Variants in ALK observed in about 807,000 individuals in gnomAD.
The protein encoded by ALK is ALK receptor tyrosine kinase.
Under a neutral mutation model 163.1 loss-of-function variants are expected in ALK, and 74 were observed. The ratio of observed to expected loss-of-function variants is 0.45; its 90% CI spans 0.38 to 0.55. The LOEUF is 0.55. Among genes scored for constraint, ALK ranks in the 20% least tolerant of loss-of-function variants. ALK has a pLI of 0.00. For synonymous variants in ALK, 960 were observed against 843.2 expected (o/e 1.14, Z -2.40); for missense variants, 2,063 against 2,105.3 (o/e 0.98, Z 0.39).
chr2:29,502,280 C>T (rs1672208872), intron 4 of ALK, among the ~76,000 whole-genome samples: 1 of 152,044 alleles, frequency 6.6e-6, no homozygotes, highest in African/African-American at 2.4e-5. Context: ...TTTGGTGGTC[C>T]CCAAACCCCT....
At chr2:29,427,559 GA>G (rs1304073851) in intron 4 of ALK, among the ~76,000 whole-genome samples, 1 of 150,772 alleles carries the variant, frequency 6.6e-6, no homozygotes, top group Non-Finnish European at 1.5e-5. Flanking sequence ...AGAATGTCGA[GA>G]AAAAAATCAT....
intron 4 of ALK, among the ~76,000 whole-genome samples, chr2:29,507,632 T>C (rs1434944413): frequency 6.6e-6 from 1 of 152,230 alleles, no homozygotes; most frequent in Non-Finnish European, 1.5e-5. Context: ...AGGGTTTGAC[T>C]AAAATTAACA....
At chr2:29,361,395 G>T (rs1668385055) in intron 5 of ALK, among the ~76,000 whole-genome samples, 1 of 152,222 alleles carries the variant, frequency 6.6e-6, no homozygotes. Context: ...TTAAACAGCT[G>T]TCACCTTCCT....
intron 1 of ALK, among the ~76,000 whole-genome samples, chr2:29,895,403 G>A (rs1315504867): frequency 6.6e-6 from 1 of 152,180 alleles, no homozygotes; most frequent in African/African-American, 2.4e-5. Flanking sequence ...AAGGAGAATG[G>A]GCAATGAGCT....
chr2:29,396,136 G>C (rs1228520297), intron 4 of ALK, among the ~76,000 whole-genome samples: 2 of 152,128 alleles, frequency 1.3e-5, no homozygotes, highest in African/African-American at 4.8e-5. Context: ...GATGGATGGT[G>C]CTCTGAGCCC....
At chr2:29,279,355 G>A (rs1053662048) in intron 9 of ALK, among the ~76,000 whole-genome samples, 2 of 152,152 alleles carry the variant, frequency 1.3e-5, no homozygotes, top group African/African-American at 2.4e-5. Context: ...CCACACATGG[G>A]TGCCTCTGTC....
intron 3 of ALK, among the ~76,000 whole-genome samples, chr2:29,578,185 C>T (rs1038421809): frequency 1.2e-4 from 18 of 151,734 alleles, no homozygotes; most frequent in African/African-American, 3.4e-4. Flanking sequence ...GTTTTAAAAA[C>T]GAGTTTCCCT....
intron 1 of ALK, among the ~76,000 whole-genome samples, chr2:29,717,945 G>T (rs1024632272): frequency 1.3e-5 from 2 of 152,136 alleles, no homozygotes; most frequent in African/African-American, 4.8e-5. Flanking sequence ...AGGATCTCTG[G>T]GAGATGAACT....
intron 1 of ALK, among the ~76,000 whole-genome samples, chr2:29,728,198 G>A (rs1326983732): frequency 1.3e-5 from 2 of 152,208 alleles, no homozygotes; most frequent in African/African-American, 2.4e-5. Flanking sequence ...CATACTGGGG[G>A]CTTTATAGTC....
intron 1 of ALK, among the ~76,000 whole-genome samples, chr2:29,746,817 G>A (rs912260597): frequency 2.0e-5 from 3 of 152,170 alleles, no homozygotes; most frequent in Non-Finnish European, 2.9e-5. Flanking sequence ...CATATGCCTA[G>A]TGTCTTTTCA....
chr2:29,751,356 G>A (rs551846216), intron 1 of ALK, among the ~76,000 whole-genome samples: 107 of 152,246 alleles, frequency 7.0e-4, no homozygotes, highest in African/African-American at 2.4e-3. Context: ...TTCAGCACGC[G>A]ATAGGAATTT....
chr2:29,777,525 G>A (rs1681208726), intron 1 of ALK, among the ~76,000 whole-genome samples: 1 of 152,110 alleles, frequency 6.6e-6, no homozygotes, highest in Admixed American at 6.6e-5. Flanking sequence ...AGAAACCTGA[G>A]TCAGAAATTC....
At chr2:29,328,043 G>C (rs1050464330) in intron 6 of ALK, among the ~76,000 whole-genome samples, 2 of 152,150 alleles carry the variant, frequency 1.3e-5, no homozygotes, top group Non-Finnish European at 2.9e-5. Flanking sequence ...GGGCATAGAG[G>C]ACTTCCAATG....
chr2:29,511,791 C>G (rs1206866152), intron 4 of ALK, among the ~76,000 whole-genome samples: 1 of 152,292 alleles, frequency 6.6e-6, no homozygotes. Context: ...TCCTTTATAT[C>G]CTTAACAACA....
chr2:29,596,146 C>T (rs1675208277), intron 3 of ALK, among the ~76,000 whole-genome samples: 1 of 152,164 alleles, frequency 6.6e-6, no homozygotes, highest in Admixed American at 6.5e-5. Flanking sequence ...TGTGACTTAC[C>T]TCTCACCTCT....
chr2:29,220,867 A>T (rs1263810152), intron 22 of ALK, 32 bp from the exon 23 acceptor site: 1 of 1,613,294 alleles, frequency 6.2e-7, no homozygotes, highest in Non-Finnish European at 8.5e-7. Flanking sequence ...AACCAAAATT[A>T]ACTGAGCTGA....
At position 29,768,709 on chromosome 2, in the gene ALK, A is replaced by ATGTTTATG. The variant is rs1167040416; in HGVS notation, c.668-51013_668-51012insCATAAACA. On this transcript the variant is annotated intron_variant, in intron 1 of 28. Transcript: ENST00000389048. The stretch of plus-strand genomic sequence containing the variant: ...AAATTATAATTTTATTAAATTATAT[A>ATGTTTATG]TGTCTGTGTGTGTGTGTGTGTGTGT... Among the ~76,000 whole-genome samples the ATGTTTATG allele has an allele frequency of 9.7e-3, 133 of 13,654 alleles. 1 individual carries two copies. In the South Asian group the frequency reaches 0.19, roughly 19 times the overall value. The allele number at this position is 13,654 out of a possible 152,430, so 9.0% of individuals were successfully genotyped here. A position where few individuals can be genotyped will look rare whatever the true frequency, so the allele number is the denominator to read the frequency against.
At chr2:29,426,705 T>A (rs955479112) in intron 4 of ALK, among the ~76,000 whole-genome samples, 16 of 152,146 alleles carry the variant, frequency 1.1e-4, no homozygotes, top group East Asian at 1.9e-4. Flanking sequence ...AAGACTTTTT[T>A]AATACATAGT....
chr2:29,495,942 G>C (rs1042465930), intron 4 of ALK, among the ~76,000 whole-genome samples: 1 of 152,170 alleles, frequency 6.6e-6, no homozygotes, highest in Non-Finnish European at 1.5e-5. Flanking sequence ...TTCAGTTTCA[G>C]TTAAGAGAAT....
Sources: gnomAD v4.1 joint callset for allele counts (sites outside exome capture counted in the v4.1 genomes callset) on GRCh38, gnomAD v4.1.1 for gene constraint, MANE v1.5 for transcripts, NCBI Gene and HGNC (gene_info 2026-07-23, HGNC 2026-07-21) for gene names.